PLEKHH2: variants seen among roughly 807,000 people sequenced by gnomAD.
PLEKHH2 encodes pleckstrin homology domain-containing family H member 2.
In PLEKHH2, 129 loss-of-function variants were observed where a neutral mutation model predicts 187.9. That is an observed-to-expected ratio of 0.69 (90% CI 0.59 to 0.79). The LOEUF is 0.79. Ranked by LOEUF, PLEKHH2 falls within the 30% of genes least tolerant of loss-of-function variation. PLEKHH2 has a pLI of 0.00. For synonymous variants in PLEKHH2, 686 were observed against 605.6 expected, an observed-to-expected ratio of 1.13 and a Z score of -1.95; for missense variants, 2,076 against 1,751.2, an observed-to-expected ratio of 1.19 and a Z score of -3.31.
chr2:43,676,173 C>T, intron 2 of PLEKHH2: 1 of 1,613,948 alleles, frequency 6.2e-7, no homozygotes, highest in Non-Finnish European at 8.5e-7. Flanking sequence ...AGAAATCGTT[C>T]CTGTTAGGTG....
chr2:43,651,320 G>A (rs1035474316), intron 2 of PLEKHH2, among the ~76,000 whole-genome samples: 6 of 151,958 alleles, frequency 3.9e-5, no homozygotes, highest in African/African-American at 1.5e-4. Flanking sequence ...ACCCGCCTCG[G>A]CCTCCCAAAG....
Position 43,742,918 on chromosome 2 carries a change from G to C in PLEKHH2, c.3399G>C (p.Gln1133His), listed in dbSNP as rs1241006973. The C allele has an allele frequency of 6.6e-7, 1 of 1,510,000 alleles. No individual in the cohort carries two copies. The highest frequency in any genetic ancestry group is 8.9e-7 in the Non-Finnish European group (1 of 1,128,488). The allele number at this position is 1,510,000 out of a possible 1,614,324, so 93.5% of individuals were successfully genotyped here. The change falls in exon 22 of 30, where the codon CAG (glutamine) becomes CAC (histidine). Residue 1133 changes from glutamine (Q) to histidine (H), a missense_variant and splice_region_variant. By Grantham distance (24) the Gln-to-His change is conservative. Transcript: ENST00000282406. ...TGCACTTCATGAATGGGATATACCA[G>C]GTAGGTTACCTGATGAAAATATGCT... Reference protein sequence around the residue: ...IPVHFMNGIYQVVGFDASTTV... With the variant: ...IPVHFMNGIYHVVGFDASTTV...
chr2:43,640,250 C>T (rs1703310965), intron 1 of PLEKHH2, among the ~76,000 whole-genome samples: 1 of 151,738 alleles, frequency 6.6e-6, no homozygotes, highest in South Asian at 2.1e-4. Flanking sequence ...CTCTTGTCAC[C>T]CAGGCTGGAG....
intron 1 of PLEKHH2, among the ~76,000 whole-genome samples, chr2:43,638,274 C>A (rs1486252587): frequency 6.6e-6 from 1 of 151,932 alleles, no homozygotes; most frequent in Non-Finnish European, 1.5e-5. Flanking sequence ...CACACACACA[C>A]ACACACACAC....
rs7557115 is a variant in PLEKHH2, at chr2:43,765,310, T to C, written c.4297-103T>C. ...TAGAGAGAAGGGAATTCTGGTAGCC[T>C]GGGCACTTGCAAATGGAGCTCACCT... On this transcript the variant is annotated intron_variant, in intron 29 of 29. Coordinates refer to ENST00000282406, the MANE Select transcript of PLEKHH2 (RefSeq NM_172069.4). The C allele has an allele frequency of 5.8e-3, 6,194 of 1,067,836 alleles. 258 individuals are homozygous for C. The African/African-American group carries it at 0.086, about 15-fold the overall frequency. 66.1% of individuals were successfully genotyped at this position (1,067,836 alleles called of 1,614,324 possible).
At chr2:43,738,616 A>T (rs1347191800) in intron 20 of PLEKHH2, 96 bp downstream of exon 20, 1 of 1,244,546 alleles carries the variant, frequency 8.0e-7, no homozygotes, top group Non-Finnish European at 1.1e-6. Context: ...TTTGGAGAAT[A>T]CAAAAAGTGC....
At chr2:43,640,131 C>T (rs1703306004) in intron 1 of PLEKHH2, among the ~76,000 whole-genome samples, 1 of 152,078 alleles carries the variant, frequency 6.6e-6, no homozygotes, top group Non-Finnish European at 1.5e-5. Context: ...ACTCCAATGC[C>T]AAGTATAAAG....
chr2:43,743,997 C>G lies in PLEKHH2; in HGVS notation c.3555+8C>G, dbSNP rs1671677276. The G allele has an allele frequency of 5.6e-6, 9 of 1,609,528 alleles. 1 individual carries two copies. Among genetic ancestry groups the G allele is most frequent in the East Asian group, 4.5e-5 (2 of 44,808 alleles). The stretch of plus-strand genomic sequence containing the variant: ...CTTCAAGGAAACATCAAGGTGAAAC[C>G]AAGTCCTTTTCAGGAGCCAAGCCCA... On this transcript the variant is annotated splice_region_variant and intron_variant, in intron 23 of 29. Coordinates refer to ENST00000282406, the MANE Select transcript of PLEKHH2 (RefSeq NM_172069.4).
chr2:43,693,439 C>G (rs1668920941), intron 4 of PLEKHH2, among the ~76,000 whole-genome samples: 1 of 152,110 alleles, frequency 6.6e-6, no homozygotes, highest in African/African-American at 2.4e-5. Context: ...ATCAAGTAAT[C>G]TAGTTTAAAA....
At chr2:43,679,514 G>A in intron 3 of PLEKHH2, 1 of 116,434 alleles carries the variant, frequency 8.6e-6, no homozygotes, top group South Asian at 7.3e-5. Context: ...TTTTTTTTTT[G>A]AGACGGAATC....
Position 43,726,432 on chromosome 2 carries a change from T to C in PLEKHH2, c.2702T>C (p.Ile901Thr), listed in dbSNP as rs1670748644. Residue 901 changes from isoleucine to threonine, a missense_variant, in exon 17 of 30, where the codon ATT (isoleucine) becomes ACT (threonine). By Grantham distance (89) the Ile-to-Thr change is moderately conservative (BLOSUM62 -1). Coordinates refer to ENST00000282406, the MANE Select transcript of PLEKHH2 (RefSeq NM_172069.4). ...GACCAAGGTCCAACTTACCTCCTAA[T>C]TGGATCCAAGCATGAAAAGGTATTC... ...PKDQGPTYLL[I>T]GSKHEKDTWL... 6.2e-7 allele frequency: 1 copy of C among 1,608,792 alleles called. No individual in the cohort carries two copies. The highest frequency in any genetic ancestry group is 8.5e-7 in the Non-Finnish European group (1 of 1,175,300).
intron 20 of PLEKHH2, among the ~76,000 whole-genome samples, chr2:43,739,147 T>C (rs1398280066): frequency 6.6e-6 from 1 of 152,318 alleles, no homozygotes; most frequent in African/African-American, 2.4e-5. Flanking sequence ...CGCTCTGGCC[T>C]CCCAAAGTAC....
At chr2:43,722,815 A>G (rs1204187640) in intron 16 of PLEKHH2, among the ~76,000 whole-genome samples, 1 of 152,242 alleles carries the variant, frequency 6.6e-6, no homozygotes. Context: ...ATAATTTAAT[A>G]AAAATGGATA....
chr2:43,640,133 AG>A (rs1189754459), intron 1 of PLEKHH2, among the ~76,000 whole-genome samples: 2 of 152,204 alleles, frequency 1.3e-5, no homozygotes, highest in East Asian at 3.8e-4. Flanking sequence ...TCCAATGCCA[AG>A]TATAAAGTTA....
In PLEKHH2 at chr2:43,743,940, A is replaced by G. The variant is rs1296945386; in HGVS notation, c.3506A>G (p.Asp1169Gly). Residue 1169 changes from aspartate (D) to glycine (G), a missense_variant, in exon 23 of 30, where the codon GAC becomes GGC. By Grantham distance (94) the Asp-to-Gly change is moderately conservative. Coordinates refer to ENST00000282406, the MANE Select transcript of PLEKHH2 (RefSeq NM_172069.4). ...CAGTCTGGATTTGCGTTGTTCACTG[A>G]CGATCCTTCTGGCAGAGATTTAGAG... Reference protein sequence around the residue: ...PAQSGFALFTDDPSGRDLEHC... With the variant: ...PAQSGFALFTGDPSGRDLEHC... The G allele has an allele frequency of 2.5e-6, 4 of 1,614,142 alleles. No individual in the cohort carries two copies. The highest frequency in any genetic ancestry group is 3.4e-6 in the Non-Finnish European group (4 of 1,179,988).
intron 2 of PLEKHH2, chr2:43,675,636 A>T: frequency 6.2e-7 from 1 of 1,613,878 alleles, no homozygotes; most frequent in Non-Finnish European, 8.5e-7. Context: ...TTTCTGCATG[A>T]ACTCCTGCAT....
intron 16 of PLEKHH2, among the ~76,000 whole-genome samples, chr2:43,722,524 A>G (rs1411610849): frequency 6.6e-6 from 1 of 152,082 alleles, no homozygotes; most frequent in Non-Finnish European, 1.5e-5. Context: ...CAACTCTTCT[A>G]CCCTCTCCTT....
intron 3 of PLEKHH2, among the ~76,000 whole-genome samples, chr2:43,683,569 A>G (rs935279553): frequency 2.6e-5 from 4 of 151,770 alleles, no homozygotes; most frequent in Non-Finnish European, 4.4e-5. Context: ...ACTTATTTGT[A>G]TGGGTTAATT....
At chr2:43,743,516 T>C (rs1182053561) in intron 22 of PLEKHH2, among the ~76,000 whole-genome samples, 1 of 152,268 alleles carries the variant, frequency 6.6e-6, no homozygotes, top group Non-Finnish European at 1.5e-5. Flanking sequence ...AAAGATTGCA[T>C]ATTGTACTAT....
Sources: allele counts gnomAD v4.1 joint callset (sites outside exome capture counted in the v4.1 genomes callset), GRCh38; gene constraint gnomAD v4.1.1; transcripts MANE v1.5; gene names NCBI Gene and HGNC (gene_info 2026-07-23, HGNC 2026-07-21).